LAMA2: variants seen among roughly 807,000 people sequenced by gnomAD.
LAMA2 encodes laminin subunit alpha-2.
Under a neutral mutation model 364.8 loss-of-function variants are expected in LAMA2, and 269 were observed. The observed-to-expected ratio is 0.74, with a 90% CI of 0.67 to 0.82. The LOEUF is 0.82. Ranked by LOEUF, LAMA2 falls within the 40% of genes least tolerant of loss-of-function variation. The pLI, the probability that LAMA2 is intolerant of heterozygous loss-of-function variation, is 0.00. For missense variants in LAMA2, 3,807 were observed against 3,873.2 expected, an observed-to-expected ratio of 0.98 and a Z score of 0.45; for synonymous variants, 1,379 against 1,370.6, an observed-to-expected ratio of 1.01 and a Z score of -0.14.
intron 1 of LAMA2, among the ~76,000 whole-genome samples, chr6:129,043,381 C>T (rs1036807911): frequency 6.6e-6 from 1 of 152,064 alleles, no homozygotes; most frequent in Non-Finnish European, 1.5e-5. Flanking sequence ...ATCAAATGTA[C>T]TTATACTGTC....
chr6:129,349,094 C>T (rs1325317063), intron 30 of LAMA2, among the ~76,000 whole-genome samples: 1 of 151,998 alleles, frequency 6.6e-6, no homozygotes, highest in Non-Finnish European at 1.5e-5. Context: ...CATCATAAAC[C>T]AAACAATATA....
chr6:129,379,818 A>G (rs939227653), intron 34 of LAMA2, among the ~76,000 whole-genome samples: 12 of 152,282 alleles, frequency 7.9e-5, no homozygotes, highest in Non-Finnish European at 4.4e-5. Flanking sequence ...TGCCCAGAAA[A>G]TTGCCCAGCC....
intron 22 of LAMA2, among the ~76,000 whole-genome samples, chr6:129,303,402 A>T (rs1001927147): frequency 2.0e-5 from 3 of 152,116 alleles, no homozygotes; most frequent in Non-Finnish European, 2.9e-5. Flanking sequence ...CTTCCTTTCT[A>T]ATCTGTGTAA....
intron 40 of LAMA2, among the ~76,000 whole-genome samples, chr6:129,407,711 G>A (rs1156365168): frequency 6.6e-6 from 1 of 152,144 alleles, no homozygotes; most frequent in Non-Finnish European, 1.5e-5. Context: ...TTTACCTGGT[G>A]GGGTGACCCA....
intron 12 of LAMA2, among the ~76,000 whole-genome samples, chr6:129,238,003 C>A (rs376280240): frequency 7.4e-3 from 926 of 124,522 alleles, no homozygotes; most frequent in Middle Eastern, 0.013. Context: ...ACTAAAAATA[C>A]AAAAAAAAAA....
intron 3 of LAMA2, among the ~76,000 whole-genome samples, chr6:129,090,420 T>C (rs922332636): frequency 3.3e-5 from 5 of 152,216 alleles, no homozygotes; most frequent in South Asian, 2.1e-4. Flanking sequence ...TCTTTAATAT[T>C]AACAAATATT....
At position 129,481,318 on chromosome 6, in the gene LAMA2, C is replaced by T. The variant is rs1409996067; in HGVS notation, c.7628C>T (p.Pro2543Leu). ...GGTTTTGTGGAGCTCTCCCCTGTGC[C>T]AATTGATGTAGGAACAGAAATCAAC... ...KPGFVELSPV[P>L]IDVGTEINLS... Residue 2543 changes from proline (P) to leucine (L), a missense_variant, in exon 55 of 65, where the codon CCA becomes CTA. Pro to Leu is a moderately conservative substitution (Grantham distance 98). This residue lies in a region of LAMA2 where 3,333 missense variants were observed against 3,345.7 expected (regional missense o/e 1.00). Coordinates refer to ENST00000421865, the MANE Select transcript of LAMA2 (RefSeq NM_000426.4). 1 of 1,613,744 alleles carries T rather than the reference C, an allele frequency of 6.2e-7. No homozygotes were observed. The highest frequency in any genetic ancestry group is 8.5e-7 in the Non-Finnish European group (1 of 1,179,788).
In LAMA2 at chr6:129,247,190, C is replaced by A. The variant is rs150210656; in HGVS notation, c.1783-2922C>A. ...AGAGCCTGAGCGTGGTGGCTCACACCTGTAATCCCAGCACTTTGGGAGACG... is the reference window on the plus strand; with the variant it reads ...AGAGCCTGAGCGTGGTGGCTCACACATGTAATCCCAGCACTTTGGGAGACG... On this transcript the variant is annotated intron_variant, in intron 12 of 64. Coordinates refer to ENST00000421865, the MANE Select transcript of LAMA2 (RefSeq NM_000426.4). 2.2e-4 allele frequency among the ~76,000 whole-genome samples: 33 copies of A among 152,286 alleles called. 1 individual carries two copies. In the East Asian group the frequency reaches 6.4e-3, roughly 29 times the overall value.
intron 58 of LAMA2, among the ~76,000 whole-genome samples, chr6:129,493,600 C>G (rs1384242644): frequency 6.6e-6 from 1 of 152,138 alleles, no homozygotes; most frequent in Non-Finnish European, 1.5e-5. Flanking sequence ...ATATACTGAA[C>G]GTTTAATAAA....
At chr6:129,349,715 T>G (rs1392330679) in intron 31 of LAMA2, among the ~76,000 whole-genome samples, 1 of 151,854 alleles carries the variant, frequency 6.6e-6, no homozygotes, top group Non-Finnish European at 1.5e-5. Flanking sequence ...CAGTAGTTAC[T>G]ACTAATAAGA....
At chr6:129,217,991 C>T (rs2115087887) in intron 12 of LAMA2, among the ~76,000 whole-genome samples, 1 of 152,196 alleles carries the variant, frequency 6.6e-6, no homozygotes, top group African/African-American at 2.4e-5. Flanking sequence ...AATTCAAATA[C>T]AGAAACATCA....
intron 3 of LAMA2, among the ~76,000 whole-genome samples, chr6:129,092,221 G>T (rs571575371): frequency 6.6e-6 from 1 of 152,236 alleles, no homozygotes; most frequent in Non-Finnish European, 1.5e-5. Context: ...TCCTTTTCTT[G>T]TTATTGGTTT....
intron 12 of LAMA2, among the ~76,000 whole-genome samples, chr6:129,232,216 A>C (rs1351043165): frequency 1.3e-5 from 2 of 152,156 alleles, no homozygotes; most frequent in Non-Finnish European, 2.9e-5. Flanking sequence ...TTTAAGTTTT[A>C]CTAAATTTAT....
In LAMA2 at chr6:129,366,339, A is replaced by G; in HGVS notation, c.4838A>G (p.Glu1613Gly). ...CCATATAAAATGCTGTATGGTCTTG[A>G]AAATATGACTCAGGAGCTAAAGGTA... ...PAPYKMLYGLENMTQELKHLL... is the reference protein window; with the variant it reads ...PAPYKMLYGLGNMTQELKHLL... The change falls in exon 33 of 65, where the codon GAA becomes GGA. Residue 1613 changes from glutamate to glycine, a missense_variant. Coordinates refer to ENST00000421865, the MANE Select transcript of LAMA2 (RefSeq NM_000426.4). 2 of 1,613,884 alleles carry G rather than the reference A, an allele frequency of 1.2e-6. No homozygotes were observed. The highest frequency in any genetic ancestry group is 1.7e-6 in the Non-Finnish European group (2 of 1,179,970).
In LAMA2 at chr6:129,260,460, C is replaced by T. The variant is rs150829508; in HGVS notation, c.2097-251C>T. 2.9e-3 allele frequency among the ~76,000 whole-genome samples: 448 copies of T among 152,136 alleles called. 4 individuals carry two copies. The highest frequency in any genetic ancestry group is 0.01 in the African/African-American group (432 of 41,518). ...AAAATCAAAACACATAGCCAAGAGC[C>T]AAGAGACGAGGAAGAACATTCTCAT... On this transcript the variant is annotated intron_variant, in intron 14 of 64. Coordinates refer to ENST00000421865, the MANE Select transcript of LAMA2 (RefSeq NM_000426.4).
chr6:128,907,427 G>T (rs1315597789), intron 1 of LAMA2, among the ~76,000 whole-genome samples: 2 of 151,536 alleles, frequency 1.3e-5, no homozygotes, highest in Non-Finnish European at 2.9e-5. Flanking sequence ...TCATGATTTG[G>T]CTCTGTTTGT....
intron 1 of LAMA2, among the ~76,000 whole-genome samples, chr6:128,911,619 C>T (rs1273449302): frequency 2.6e-5 from 4 of 152,196 alleles, no homozygotes; most frequent in African/African-American, 2.4e-5. Flanking sequence ...ACGCTGGGAG[C>T]TGTAGACCGG....
At chr6:129,374,906 C>A (rs1432923331) in intron 34 of LAMA2, among the ~76,000 whole-genome samples, 1 of 151,828 alleles carries the variant, frequency 6.6e-6, no homozygotes, top group Non-Finnish European at 1.5e-5. Flanking sequence ...CTTTGTTATG[C>A]TCCTTTTTCT....
intron 12 of LAMA2, among the ~76,000 whole-genome samples, chr6:129,196,950 A>G (rs1315282690): frequency 6.6e-6 from 1 of 152,122 alleles, no homozygotes; most frequent in Non-Finnish European, 1.5e-5. Flanking sequence ...AGAAACCTGA[A>G]CATCATGGGA....
Sources: allele counts gnomAD v4.1 joint callset (sites outside exome capture counted in the v4.1 genomes callset), GRCh38; gene constraint gnomAD v4.1.1; regional missense constraint gnomAD v4.1.1; transcripts MANE v1.5; gene names NCBI Gene and HGNC (gene_info 2026-07-23, HGNC 2026-07-21).